PLEKHA7: variants seen among roughly 807,000 people sequenced by gnomAD.
PLEKHA7 encodes the protein pleckstrin homology domain containing A7, also known as pleckstrin homology domain-containing family A member 7.
PLEKHA7 carries 104 observed loss-of-function variants against 170.0 expected under a neutral mutation model. The ratio of observed to expected loss-of-function variants is 0.61; its 90% CI spans 0.52 to 0.72. The LOEUF (loss-of-function observed/expected upper bound fraction) is 0.72, where lower values mean the gene tolerates loss of function less well. Among genes scored for constraint, PLEKHA7 ranks in the 30% least tolerant of loss-of-function variants. PLEKHA7 has a pLI of 0.00. For synonymous variants in PLEKHA7, 648 were observed against 660.8 expected (o/e 0.98, Z 0.30); for missense variants, 1,615 against 1,671.7 (o/e 0.97, Z 0.59).
intron 2 of PLEKHA7, 37 bp downstream of exon 2, chr11:17,014,088 G>A (rs990294363): frequency 1.9e-6 from 3 of 1,583,434 alleles, no homozygotes; most frequent in Non-Finnish European, 2.6e-6. Flanking sequence ...TTGGGCCGCC[G>A]CTGCGCGCGC....
chr11:16,961,096 T>C (rs575570507), intron 3 of PLEKHA7, among the ~76,000 whole-genome samples: 37 of 152,314 alleles, frequency 2.4e-4, no homozygotes, highest in African/African-American at 8.7e-4. Context: ...GAAACATTCC[T>C]CCTCATTATC....
chr11:16,919,985 C>T (rs1459806282), intron 3 of PLEKHA7, among the ~76,000 whole-genome samples: 3 of 152,184 alleles, frequency 2.0e-5, no homozygotes, highest in African/African-American at 7.2e-5. Context: ...TGTAATGGGA[C>T]AACCTGGATT....
chr11:16,859,914 C>T (rs536383761), intron 4 of PLEKHA7, among the ~76,000 whole-genome samples: 1 of 152,372 alleles, frequency 6.6e-6, no homozygotes, highest in South Asian at 2.1e-4. Context: ...AACCTATTGA[C>T]TTAAAAGCCT....
chr11:16,857,343 G>A (rs1385041568), intron 4 of PLEKHA7, among the ~76,000 whole-genome samples: 1 of 152,218 alleles, frequency 6.6e-6, no homozygotes, highest in Non-Finnish European at 1.5e-5. Context: ...AAGAGCACTG[G>A]CTCCTTATCA....
chr11:16,964,462 T>C (rs1862249378), intron 3 of PLEKHA7, among the ~76,000 whole-genome samples: 1 of 152,138 alleles, frequency 6.6e-6, no homozygotes, highest in Non-Finnish European at 1.5e-5. Context: ...TTTCTCCACA[T>C]CCTCACCAAT....
Position 16,816,949 on chromosome 11 carries a change from T to C in PLEKHA7, c.1717A>G (p.Ile573Val), listed in dbSNP as rs761013883. 8.7e-6 allele frequency: 14 copies of C among 1,612,724 alleles called. No homozygotes were observed. The South Asian group carries it at 1.4e-4, about 16-fold the overall frequency. ...SISVPPSPSD[I>V]PPPGPPRVFP... Reference sequence around the variant, plus strand: ...ACCCTTGGGGGTCCTGGGGGAGGGATGTCCGAGGGAGATGGAGGCACAGAG... The same window carrying C: ...ACCCTTGGGGGTCCTGGGGGAGGGACGTCCGAGGGAGATGGAGGCACAGAG... Residue 573 changes from isoleucine to valine, a missense_variant, in exon 11 of 27, where the codon ATC (isoleucine) becomes GTC (valine). Ile to Val is a conservative substitution (Grantham distance 29). Transcript: ENST00000531066.
At chr11:16,848,853 T>C (rs1412359327) in intron 8 of PLEKHA7, among the ~76,000 whole-genome samples, 1 of 152,174 alleles carries the variant, frequency 6.6e-6, no homozygotes, top group East Asian at 1.9e-4. Flanking sequence ...TTCAGCTCTA[T>C]ATACAGAGAA....
chr11:16,851,635 GTCAGGGTT>G (rs907108910), intron 7 of PLEKHA7, among the ~76,000 whole-genome samples: 8 of 152,050 alleles, frequency 5.3e-5, no homozygotes, highest in African/African-American at 1.9e-4. Flanking sequence ...TTTTAGTGGA[GTCAGGGTT>G]TCACCATGTT....
rs1370420451 is a variant in PLEKHA7, at chr11:16,817,387, T to C, written c.1344-65A>G. On this transcript the variant is annotated intron_variant, in intron 10 of 26. Transcript: ENST00000531066. This position sits in a 1 kb window ranked among gnomAD's most constrained non-coding sequence, Gnocchi z 4.4. ...AGGGTTCTGCAGGCTTTGGGGAACA[T>C]ATCTAAGTAAACCCACAAAGCTGGG... 6.8e-7 allele frequency: 1 copy of C among 1,470,970 alleles called. No individual in the cohort carries two copies. 91.1% of individuals were successfully genotyped at this position (1,470,970 alleles called of 1,614,324 possible).
intron 26 of PLEKHA7, among the ~76,000 whole-genome samples, chr11:16,779,983 G>A (rs58003224): frequency 3.9e-5 from 5 of 128,626 alleles, no homozygotes; most frequent in Admixed American, 1.5e-4. Flanking sequence ...AACGGGGAGG[G>A]GGGGGGGAAT....
chr11:16,908,994 G>C (rs181237911), intron 3 of PLEKHA7, among the ~76,000 whole-genome samples: 2 of 152,256 alleles, frequency 1.3e-5, no homozygotes, highest in African/African-American at 4.8e-5. Context: ...TCATAAATTG[G>C]AGGGATTTGA....
At chr11:16,822,935 T>C (rs1850352564) in intron 10 of PLEKHA7, among the ~76,000 whole-genome samples, 1 of 151,970 alleles carries the variant, frequency 6.6e-6, no homozygotes, top group South Asian at 2.1e-4. Flanking sequence ...CAACAGTTTC[T>C]TGACTGTGGA....
chr11:16,964,360 A>T (rs531904713), intron 3 of PLEKHA7, among the ~76,000 whole-genome samples: 1 of 152,284 alleles, frequency 6.6e-6, no homozygotes, highest in South Asian at 2.1e-4. Context: ...ATCACAGGGT[A>T]ATGCTATTTA....
chr11:16,791,004 CG>C lies in PLEKHA7; in HGVS notation c.2934+6del, dbSNP rs767628660. Reference sequence around the variant, plus strand: ...GTAGAGTGGCAGCCCCAGGGTCCCCCGCTCACCCTGGAATCCCCATTCACAC... The same window carrying C: ...GTAGAGTGGCAGCCCCAGGGTCCCCCCTCACCCTGGAATCCCCATTCACAC... On this transcript the variant is annotated splice_donor_region_variant and intron_variant, in intron 20 of 26. Coordinates refer to ENST00000531066, the MANE Select transcript of PLEKHA7 (RefSeq NM_001329630.2). The surrounding 1 kb of genome is among the most constrained non-coding windows in gnomAD (Gnocchi z 4.5). 1.2e-6 allele frequency: 2 copies of C among 1,614,014 alleles called. No homozygotes were observed. The highest frequency in any genetic ancestry group is 1.7e-6 in the Non-Finnish European group (2 of 1,180,022).
intron 4 of PLEKHA7, among the ~76,000 whole-genome samples, chr11:16,857,151 T>C (rs393633): frequency 0.09 from 13,695 of 152,320 alleles, 760 homozygotes; most frequent in East Asian, 0.16. Flanking sequence ...TGATCCTTTC[T>C]GTGCCCGGAG....
intron 8 of PLEKHA7, among the ~76,000 whole-genome samples, chr11:16,846,433 T>C (rs2058161): frequency 0.47 from 70,758 of 152,050 alleles, 18,109 homozygotes; most frequent in East Asian, 0.71. Flanking sequence ...CAGCCTGAGG[T>C]CCAAGGTGGA....
At chr11:16,779,690 G>A (rs1024072881) in intron 26 of PLEKHA7, among the ~76,000 whole-genome samples, 22 of 152,308 alleles carry the variant, frequency 1.4e-4, no homozygotes, top group African/African-American at 4.8e-4. Flanking sequence ...TCAGGCTGGC[G>A]GGGACCTGCT....
At chr11:16,936,970 A>G (rs1049496744) in intron 3 of PLEKHA7, among the ~76,000 whole-genome samples, 8 of 152,260 alleles carry the variant, frequency 5.3e-5, no homozygotes, top group Non-Finnish European at 7.3e-5. Flanking sequence ...ACCTTGGGCA[A>G]GCTGTTTCCC....
intron 3 of PLEKHA7, among the ~76,000 whole-genome samples, chr11:16,978,374 T>C (rs1011194956): frequency 6.6e-6 from 1 of 152,138 alleles, no homozygotes; most frequent in Non-Finnish European, 1.5e-5. Flanking sequence ...AGAGACCTGA[T>C]GCAAAACAGT....
Sources: allele counts gnomAD v4.1 joint callset (sites outside exome capture counted in the v4.1 genomes callset), GRCh38; gene constraint gnomAD v4.1.1; non-coding constraint Gnocchi (gnomAD v3.1); transcripts MANE v1.5; gene names NCBI Gene and HGNC (gene_info 2026-07-23, HGNC 2026-07-21).